The following HIPK2 variants were observed in gnomAD, a reference collection of about 807,000 sequenced individuals.
HIPK2 encodes the protein homeodomain interacting protein kinase 2, also known as homeodomain-interacting protein kinase 2.
In HIPK2, 27 loss-of-function variants were observed where a neutral mutation model predicts 113.7. The observed-to-expected ratio is 0.24, with a 90% confidence interval of 0.17 to 0.33. HIPK2 has a LOEUF of 0.33. Ranked by LOEUF, HIPK2 falls within the 10% of genes least tolerant of loss-of-function variation. The pLI is 1.00. For synonymous variants in HIPK2, 631 were observed against 642.2 expected, an observed-to-expected ratio of 0.98 and a Z score of 0.26; for missense variants, 1,257 against 1,588.0, an observed-to-expected ratio of 0.79 and a Z score of 3.54.
At position 139,683,515 on chromosome 7, in the gene HIPK2, C is replaced by A. The variant is rs371335644; in HGVS notation, c.1103+32417G>T. Among the ~76,000 whole-genome samples the A allele has an allele frequency of 6.6e-6, 1 of 152,178 alleles. No homozygotes were observed. Among genetic ancestry groups the A allele is most frequent in the African/African-American group, 2.4e-5 (1 of 41,442 alleles). ...GAGAAATACCAGAGAGAGAGACACA[C>A]GCATACCAAGACAGAAGCTGCAGAA... On this transcript the variant is annotated intron_variant, in intron 2 of 14. Coordinates refer to ENST00000406875, the MANE Select transcript of HIPK2 (RefSeq NM_022740.5). This position sits in a 1 kb window ranked among gnomAD's most constrained non-coding sequence, Gnocchi z 4.2.
chr7:139,657,054 A>G (rs946661893), intron 2 of HIPK2, among the ~76,000 whole-genome samples: 2 of 152,154 alleles, frequency 1.3e-5, no homozygotes, highest in Non-Finnish European at 2.9e-5. Context: ...TATTTTTAAT[A>G]GAGACGGGGT....
At chr7:139,759,937 G>A (rs1341425041) in intron 1 of HIPK2, among the ~76,000 whole-genome samples, 1 of 151,430 alleles carries the variant, frequency 6.6e-6, no homozygotes, top group Non-Finnish European at 1.5e-5. Context: ...AATATCAAAA[G>A]AAATGTAGAG....
Position 139,613,459 on chromosome 7 carries a change from C to T in HIPK2, c.1991-136G>A. ...GTCACTGACAACAACCAGGTATTGC[C>T]TGGTCCTTGGAAGTCTCCCCTTTGG... On this transcript the variant is annotated intron_variant, in intron 8 of 14. Transcript: ENST00000406875. The surrounding 1 kb of genome is among the most constrained non-coding windows in gnomAD (Gnocchi z 4.2). The T allele has an allele frequency of 9.6e-7, 1 of 1,038,284 alleles. No homozygotes were observed. The highest frequency in any genetic ancestry group is 1.4e-6 in the Non-Finnish European group (1 of 731,350). The allele number at this position is 1,038,284 out of a possible 1,614,324, so 64.3% of individuals were successfully genotyped here.
chr7:139,729,570 C>T (rs974863991), intron 1 of HIPK2, among the ~76,000 whole-genome samples: 3 of 152,172 alleles, frequency 2.0e-5, no homozygotes, highest in African/African-American at 7.2e-5. Flanking sequence ...GGTTCTTCCT[C>T]GTGTGCCCTC....
In HIPK2 at chr7:139,620,493, T is replaced by C; in HGVS notation, c.1690A>G (p.Ser564Gly). ...ACGTGCGTGATGAAAGGGGTTTTGC[T>C]CTGGTTCACCGTGTCATACATATTC... ...RVNMYDTVNQSKTPFITHVAP... is the reference protein window; with the variant it reads ...RVNMYDTVNQGKTPFITHVAP... The change falls in exon 7 of 15, where the codon AGC (serine) becomes GGC (glycine). Residue 564 changes from serine (S) to glycine (G), a missense_variant. Ser to Gly is a moderately conservative substitution (Grantham distance 56). This residue lies in a region of HIPK2 where 862 missense variants were observed against 1,004.3 expected (regional missense o/e 0.86). Coordinates refer to ENST00000406875, the MANE Select transcript of HIPK2 (RefSeq NM_022740.5). 1 of 1,614,156 alleles carries C rather than the reference T, an allele frequency of 6.2e-7. No individual in the cohort carries two copies. Among genetic ancestry groups the C allele is most frequent in the Non-Finnish European group, 8.5e-7 (1 of 1,180,036 alleles).
intron 7 of HIPK2, among the ~76,000 whole-genome samples, chr7:139,615,634 G>C (rs1156779099): frequency 6.6e-6 from 1 of 152,230 alleles, no homozygotes; most frequent in Non-Finnish European, 1.5e-5. Context: ...AAGAGGTTTT[G>C]CCTCTAGAAG....
intron 9 of HIPK2, among the ~76,000 whole-genome samples, chr7:139,605,718 T>C (rs1175870572): frequency 6.6e-6 from 1 of 152,184 alleles, no homozygotes; most frequent in Non-Finnish European, 1.5e-5. Context: ...TTGTTTGCTT[T>C]TGATATAGGC....
intron 5 of HIPK2, among the ~76,000 whole-genome samples, chr7:139,628,263 G>A (rs143876895): frequency 3.3e-4 from 50 of 152,320 alleles, no homozygotes; most frequent in Non-Finnish European, 5.7e-4. Flanking sequence ...GGGAATGAAA[G>A]TCTGTTGTCC....
chr7:139,658,063 A>C (rs1801734337), intron 2 of HIPK2, among the ~76,000 whole-genome samples: 1 of 152,084 alleles, frequency 6.6e-6, no homozygotes, highest in Non-Finnish European at 1.5e-5. Context: ...CTACTTGATC[A>C]CCTTAAGAAT....
chr7:139,627,971 G>A (rs995521838), intron 5 of HIPK2, among the ~76,000 whole-genome samples: 1 of 152,164 alleles, frequency 6.6e-6, no homozygotes, highest in Non-Finnish European at 1.5e-5. Context: ...CTTTGCAGAT[G>A]TAATCAAATT....
chr7:139,713,917 C>A (rs1301374306), intron 2 of HIPK2, among the ~76,000 whole-genome samples: 1 of 152,224 alleles, frequency 6.6e-6, no homozygotes, highest in Admixed American at 6.5e-5. Flanking sequence ...CGGTACCGGG[C>A]ACCCAACCCT....
Position 139,572,898 on chromosome 7 carries a change from T to TGCC in HIPK2, c.*28_*29insGGC. The TGCC allele has an allele frequency of 4.9e-6, 2 of 407,280 alleles. 1 individual carries two copies. The highest frequency in any genetic ancestry group is 9.7e-6 in the Non-Finnish European group (2 of 206,378). The allele number at this position is 407,280 out of a possible 1,614,324, so 25.2% of individuals were successfully genotyped here. A position where few individuals can be genotyped will look rare whatever the true frequency, so the allele number is the denominator to read the frequency against. ...CTCCTCCCTCGGGCCATTCTCTCCC[T>TGCC]CCCTCCCTCCCTCCCTCCCCTCCAG... On this transcript the variant is annotated 3_prime_UTR_variant, in exon 15 of 15. Transcript: ENST00000406875.
chr7:139,614,438 A>G lies in HIPK2; in HGVS notation c.1838T>C (p.Leu613Pro). ...CTGGTAGAGTGTAGATGGGTAGTTT[A>G]GTATGGAGACTTCGGGATTGGCTAA... Reference protein sequence around the residue: ...ISLANPEVSILNYPSTLYQPS... With the variant: ...ISLANPEVSIPNYPSTLYQPS... Residue 613 changes from leucine to proline, a missense_variant, in exon 8 of 15, where the codon CTA becomes CCA. Transcript: ENST00000406875. The G allele has an allele frequency of 6.6e-7, 1 of 1,525,706 alleles. No individual in the cohort carries two copies. Among genetic ancestry groups the G allele is most frequent in the South Asian group, 1.3e-5 (1 of 79,654 alleles). The allele number at this position is 1,525,706 out of a possible 1,614,324, so 94.5% of individuals were successfully genotyped here. A position where few individuals can be genotyped will look rare whatever the true frequency, so the allele number is the denominator to read the frequency against.
chr7:139,626,768 A>G lies in HIPK2; in HGVS notation c.1452T>C (p.Asp484=), dbSNP rs1173979954. The G allele has an allele frequency of 6.2e-7, 1 of 1,613,930 alleles. No homozygotes were observed. The highest frequency in any genetic ancestry group is 8.5e-7 in the Non-Finnish European group (1 of 1,179,882). Residue 484 remains aspartate, a synonymous_variant, in exon 6 of 15, where the codon GAT becomes GAC. Transcript: ENST00000406875. The stretch of plus-strand genomic sequence containing the variant: ...CTACCAACATGTCGCTCCCTTCCAA[A>G]TCTGTCGTCATGTTCACCTGGACGC... ...DDMAQVNMTT[D]LEGSDMLVEK...
At chr7:139,695,403 C>G (rs893714918) in intron 2 of HIPK2, among the ~76,000 whole-genome samples, 2 of 152,102 alleles carry the variant, frequency 1.3e-5, no homozygotes, top group Admixed American at 1.3e-4. Context: ...CTTGGGGGCT[C>G]GCCACTCCAT....
intron 1 of HIPK2, among the ~76,000 whole-genome samples, chr7:139,765,766 T>C (rs1250986952): frequency 1.3e-5 from 2 of 152,160 alleles, no homozygotes; most frequent in South Asian, 4.1e-4. Context: ...CCATCTTCTG[T>C]TAAATGCTCA....
intron 2 of HIPK2, among the ~76,000 whole-genome samples, chr7:139,704,431 A>G (rs1794829860): frequency 1.4e-5 from 2 of 143,192 alleles, no homozygotes; most frequent in Admixed American, 1.4e-4. Context: ...CCCACACTAT[A>G]CCCAACATAC....
At chr7:139,764,066 G>C (rs1796514410) in intron 1 of HIPK2, among the ~76,000 whole-genome samples, 1 of 152,180 alleles carries the variant, frequency 6.6e-6, no homozygotes, top group Non-Finnish European at 1.5e-5. Flanking sequence ...TGTTAGATAA[G>C]CTCGTTCAGG....
chr7:139,574,745 C>T (rs1215429682), intron 14 of HIPK2, among the ~76,000 whole-genome samples: 1 of 152,234 alleles, frequency 6.6e-6, no homozygotes, highest in Non-Finnish European at 1.5e-5. Context: ...GCCCTCCCTG[C>T]AATGAGTCGG....
Sources: gnomAD v4.1 joint callset for allele counts (sites outside exome capture counted in the v4.1 genomes callset) on GRCh38, gnomAD v4.1.1 for gene constraint, gnomAD v4.1.1 regional missense constraint, Gnocchi (gnomAD v3.1) non-coding constraint, MANE v1.5 for transcripts, NCBI Gene and HGNC (gene_info 2026-07-23, HGNC 2026-07-21) for gene names.